ASAP2: variants seen among roughly 807,000 people sequenced by gnomAD.
The protein encoded by ASAP2 is arf-GAP with SH3 domain, ANK repeat and PH domain-containing protein 2.
A neutral mutation model predicts 131.4 loss-of-function variants in ASAP2; 45 were observed. That is an observed-to-expected ratio of 0.34 (90% CI 0.27 to 0.44). ASAP2 has a LOEUF of 0.44. Ranked by LOEUF, ASAP2 falls within the 20% of genes least tolerant of loss-of-function variation. The pLI, the probability that ASAP2 is intolerant of heterozygous loss-of-function variation, is 1.00. For synonymous variants in ASAP2, 510 were observed against 503.0 expected (o/e 1.01, Z -0.19); for missense variants, 1,011 against 1,297.0 (o/e 0.78, Z 3.39).
chr2:9,291,451 A>G (rs528793772), intron 2 of ASAP2, among the ~76,000 whole-genome samples: 1 of 152,306 alleles, frequency 6.6e-6, no homozygotes, highest in East Asian at 1.9e-4. Flanking sequence ...CATGCGCCAC[A>G]AGTGAGGTCG....
chr2:9,213,290 T>G (rs1661738436), intron 1 of ASAP2, among the ~76,000 whole-genome samples: 1 of 151,884 alleles, frequency 6.6e-6, no homozygotes, highest in Admixed American at 6.6e-5. Flanking sequence ...GGCGGGATCA[T>G]GGAAGGACTG....
At chr2:9,208,936 ATAT>A (rs369288060) in intron 1 of ASAP2, among the ~76,000 whole-genome samples, 64 of 152,338 alleles carry the variant, frequency 4.2e-4, no homozygotes, top group Non-Finnish European at 7.5e-4. Context: ...TGTCAGTTAA[ATAT>A]TATTAACACT....
At chr2:9,242,569 T>A (rs1664048584) in intron 1 of ASAP2, among the ~76,000 whole-genome samples, 1 of 152,208 alleles carries the variant, frequency 6.6e-6, no homozygotes. Flanking sequence ...GTGTGTGGGC[T>A]CTGTTCCCTG....
At chr2:9,262,958 G>A (rs1264632792) in intron 1 of ASAP2, among the ~76,000 whole-genome samples, 4 of 152,202 alleles carry the variant, frequency 2.6e-5, no homozygotes, top group East Asian at 1.9e-4. Context: ...CTTGAGCCTC[G>A]TTTCCTGGGG....
At chr2:9,358,662 G>A in intron 14 of ASAP2, 94 bp from the exon 15 acceptor site, 1 of 1,464,216 alleles carries the variant, frequency 6.8e-7, no homozygotes, top group Non-Finnish European at 9.2e-7. Context: ...CTCATGCTCA[G>A]AACTGCTTGT....
chr2:9,317,603 C>T (rs1194563155), intron 3 of ASAP2, among the ~76,000 whole-genome samples: 1 of 151,130 alleles, frequency 6.6e-6, no homozygotes, highest in African/African-American at 2.4e-5. Flanking sequence ...CACATTCACG[C>T]ACTCACATCC....
chr2:9,334,286 T>C (rs1293970928), intron 7 of ASAP2, among the ~76,000 whole-genome samples: 1 of 151,470 alleles, frequency 6.6e-6, no homozygotes, highest in Non-Finnish European at 1.5e-5. Context: ...TGGTCTCTAG[T>C]GATCCTCCCA....
chr2:9,259,835 T>C (rs1381986129), intron 1 of ASAP2, among the ~76,000 whole-genome samples: 1 of 152,216 alleles, frequency 6.6e-6, no homozygotes, highest in Non-Finnish European at 1.5e-5. Context: ...CGATGCTAAA[T>C]GCCCCCCATG....
At chr2:9,274,024 A>C (rs187065518) in intron 1 of ASAP2, among the ~76,000 whole-genome samples, 1 of 152,264 alleles carries the variant, frequency 6.6e-6, no homozygotes, top group Non-Finnish European at 1.5e-5. Context: ...GGAATGAACA[A>C]GGACAGCTTG....
chr2:9,252,914 CAAAA>C (rs35078846), intron 1 of ASAP2, among the ~76,000 whole-genome samples: 2 of 108,478 alleles, frequency 1.8e-5, no homozygotes, highest in Non-Finnish European at 1.9e-5. Context: ...GACTCCGTCT[CAAAA>C]AAAAAAAAAA....
At chr2:9,326,159 T>C (rs1390319317) in intron 6 of ASAP2, among the ~76,000 whole-genome samples, 1 of 152,204 alleles carries the variant, frequency 6.6e-6, no homozygotes, top group Non-Finnish European at 1.5e-5. Context: ...GGTGGGAGGA[T>C]TCCTTGAGCC....
At chr2:9,401,238 C>T in intron 26 of ASAP2, 36 bp from the exon 27 acceptor site, 1 of 1,610,902 alleles carries the variant, frequency 6.2e-7, no homozygotes, top group Non-Finnish European at 8.5e-7. Flanking sequence ...CTGAGGCCTG[C>T]AGCCACACTA....
intron 24 of ASAP2, among the ~76,000 whole-genome samples, chr2:9,395,770 G>A (rs1402189170): frequency 6.6e-6 from 1 of 151,192 alleles, no homozygotes; most frequent in Non-Finnish European, 1.5e-5. Context: ...ACCACGCCTG[G>A]CCAATTTTTT....
At chr2:9,235,988 G>A (rs1663525204) in intron 1 of ASAP2, among the ~76,000 whole-genome samples, 1 of 152,192 alleles carries the variant, frequency 6.6e-6, no homozygotes, top group African/African-American at 2.4e-5. Flanking sequence ...GGCATCTGGT[G>A]GGTGGAGGCC....
intron 1 of ASAP2, among the ~76,000 whole-genome samples, chr2:9,273,678 A>C (rs1666564105): frequency 6.6e-6 from 1 of 152,226 alleles, no homozygotes; most frequent in Admixed American, 6.5e-5. Context: ...TAGGCAGTCA[A>C]AACTGTCGTT....
intron 19 of ASAP2, among the ~76,000 whole-genome samples, 179 bp downstream of exon 19, chr2:9,379,238 G>T (rs1341419079): frequency 1.3e-5 from 2 of 152,202 alleles, no homozygotes; most frequent in South Asian, 2.1e-4. Flanking sequence ...CCACGAGGCC[G>T]CATTCACCAT....
chr2:9,352,215 A>ACACG (rs1672388859), intron 12 of ASAP2, among the ~76,000 whole-genome samples: 1 of 2,646 alleles, frequency 3.8e-4, no homozygotes, highest in Admixed American at 0.014. Flanking sequence ...ACACACAAAC[A>ACACG]CACACACACA....
intron 9 of ASAP2, among the ~76,000 whole-genome samples, chr2:9,343,457 G>GT (rs1553317095): frequency 6.6e-6 from 1 of 151,942 alleles, no homozygotes. Context: ...TTTGGTTTTT[G>GT]TTTTTTTGAG....
At chr2:9,340,298 G>A (rs530229815) in intron 9 of ASAP2, among the ~76,000 whole-genome samples, 11 of 152,300 alleles carry the variant, frequency 7.2e-5, no homozygotes, top group African/African-American at 2.4e-4. Flanking sequence ...TGGGATTACA[G>A]GCATGAGCCA....
Sources: allele counts gnomAD v4.1 joint callset (sites outside exome capture counted in the v4.1 genomes callset), GRCh38; gene constraint gnomAD v4.1.1; transcripts MANE v1.5; gene names NCBI Gene and HGNC (gene_info 2026-07-23, HGNC 2026-07-21).